Variants in MAK observed in about 807,000 individuals in gnomAD.
MAK encodes male germ cell associated kinase.
A neutral mutation model predicts 82.6 loss-of-function variants in MAK; 65 were observed. That is an observed-to-expected ratio of 0.79 (90% CI 0.64 to 0.97). The LOEUF is 0.97. MAK is among the 50% of genes least tolerant of loss of function. The probability of loss-of-function intolerance (pLI) is 0.00; values close to 1 mark genes in which losing one functional copy is unlikely to be tolerated. For synonymous variants in MAK, 250 were observed against 274.2 expected, an observed-to-expected ratio of 0.91 and a Z score of 0.87; for missense variants, 703 against 780.2, an observed-to-expected ratio of 0.90 and a Z score of 1.18.
intron 9 of MAK, 120 bp downstream of exon 9, chr6:10,795,878 G>C (rs1038403679): frequency 9.6e-7 from 1 of 1,039,422 alleles, no homozygotes. Context: ...AGAGGACTCA[G>C]GGTCTTTAAC....
intron 11 of MAK, among the ~76,000 whole-genome samples, chr6:10,782,573 C>A (rs983333828): frequency 4.8e-5 from 7 of 145,468 alleles, no homozygotes; most frequent in African/African-American, 1.8e-4. Context: ...AGGGTCCCAA[C>A]TGGATTTTTT....
intron 8 of MAK, among the ~76,000 whole-genome samples, chr6:10,798,335 A>G (rs1775737396): frequency 6.6e-6 from 1 of 152,078 alleles, no homozygotes; most frequent in Non-Finnish European, 1.5e-5. Flanking sequence ...GGCCGGTCTC[A>G]AGCTCCTGAC....
At chr6:10,833,242 T>C (rs139964247) in intron 1 of MAK, among the ~76,000 whole-genome samples, 5 of 152,238 alleles carry the variant, frequency 3.3e-5, no homozygotes, top group African/African-American at 7.2e-5. Flanking sequence ...TAAAGTTATG[T>C]TGTTTCCTAT....
At chr6:10,766,669 G>T (rs1381647461) in intron 14 of MAK, among the ~76,000 whole-genome samples, 1 of 152,144 alleles carries the variant, frequency 6.6e-6, no homozygotes, top group Admixed American at 6.5e-5. Context: ...TGGTAGCAGG[G>T]GTAGAAGAGA....
chr6:10,774,418 G>A (rs1443929141), intron 12 of MAK, among the ~76,000 whole-genome samples: 2 of 152,074 alleles, frequency 1.3e-5, no homozygotes, highest in East Asian at 1.9e-4. Context: ...ATTTATTGCT[G>A]GAATCACAGC....
At chr6:10,810,217 A>G (rs1776817475) in intron 5 of MAK, among the ~76,000 whole-genome samples, 1 of 151,986 alleles carries the variant, frequency 6.6e-6, no homozygotes, top group Non-Finnish European at 1.5e-5. Flanking sequence ...AGGGCAGTCT[A>G]CAGCATTCTG....
intron 10 of MAK, among the ~76,000 whole-genome samples, chr6:10,788,690 C>G (rs1774809276): frequency 6.6e-6 from 1 of 151,988 alleles, no homozygotes; most frequent in African/African-American, 2.4e-5. Context: ...GAGCCGAGAT[C>G]ACATCACTGC....
At chr6:10,787,782 A>G (rs1457510906) in intron 10 of MAK, among the ~76,000 whole-genome samples, 2 of 151,444 alleles carry the variant, frequency 1.3e-5, no homozygotes, top group South Asian at 2.1e-4. Flanking sequence ...AATGGCGTGA[A>G]CCCAGGAGGC....
intron 2 of MAK, 88 bp from the exon 3 acceptor site, chr6:10,819,028 G>A: frequency 2.6e-6 from 2 of 756,404 alleles, no homozygotes; most frequent in Non-Finnish European, 4.7e-6. Flanking sequence ...TCCACTACTG[G>A]TTCACTTTGG....
Position 10,808,934 on chromosome 6 carries a change from G to GA in MAK, c.366dup (p.His123SerfsTer2), listed in dbSNP as rs1776708973. 7.4e-6 allele frequency: 12 copies of GA among 1,612,302 alleles called. No homozygotes were observed. Among genetic ancestry groups the GA allele is most frequent in the Non-Finnish European group, 1.0e-5 (12 of 1,179,134 alleles). On this transcript the variant is annotated frameshift_variant, in exon 6 of 15. Transcript: ENST00000354489. LOFTEE classifies it high-confidence loss of function. ...AAGTTTTCTGGTTTCATGTCCCTAT[G>GA]AAAAAAGCCTTGATGATATACGGAG...
At chr6:10,766,375 A>G (rs11961958) in intron 14 of MAK, among the ~76,000 whole-genome samples, 2,230 of 152,306 alleles carry the variant, frequency 0.015, 63 homozygotes, top group African/African-American at 0.051. Context: ...TCTGGGTAAG[A>G]CAGCCGCCTG....
Position 10,783,769 on chromosome 6 carries a change from T to C in MAK, c.1465+655A>G, listed in dbSNP as rs367583800. Among the ~76,000 whole-genome samples, 46 of 152,258 alleles carry C rather than the reference T, an allele frequency of 3.0e-4. No homozygotes were observed. The East Asian group carries it at 4.3e-3, about 14-fold the overall frequency. On this transcript the variant is annotated intron_variant, in intron 11 of 14. Transcript: ENST00000354489. Reference sequence around the variant, plus strand: ...GGCACAGTGGCTCACGCCTGTCATCTCAGCACTTTGGGAGGCCAAGGCGGG... The same window carrying C: ...GGCACAGTGGCTCACGCCTGTCATCCCAGCACTTTGGGAGGCCAAGGCGGG...
chr6:10,767,802 A>C (rs1029671243), intron 14 of MAK, among the ~76,000 whole-genome samples: 5 of 151,080 alleles, frequency 3.3e-5, no homozygotes, highest in African/African-American at 7.3e-5. Context: ...AAAAAAAAAA[A>C]AAAAAAAAAC....
intron 12 of MAK, among the ~76,000 whole-genome samples, 165 bp downstream of exon 12, chr6:10,775,163 C>G (rs1016319288): frequency 6.6e-6 from 1 of 152,160 alleles, no homozygotes; most frequent in South Asian, 2.1e-4. Context: ...AACTCCATGA[C>G]TGCTCCAGCA....
At chr6:10,806,847 G>A (rs369866004) in intron 6 of MAK, among the ~76,000 whole-genome samples, 15 of 148,774 alleles carry the variant, frequency 1.0e-4, no homozygotes, top group East Asian at 5.8e-4. Context: ...GAAGCCAAGC[G>A]GATGCCAGTG....
chr6:10,834,830 C>T (rs1779048965), intron 1 of MAK, among the ~76,000 whole-genome samples: 1 of 152,052 alleles, frequency 6.6e-6, no homozygotes, highest in Admixed American at 6.5e-5. Context: ...CACTCTGTGC[C>T]AGGTCCGACC....
chr6:10,832,005 C>A (rs1032593586), intron 1 of MAK, among the ~76,000 whole-genome samples: 1 of 152,154 alleles, frequency 6.6e-6, no homozygotes, highest in African/African-American at 2.4e-5. Flanking sequence ...TCTTGGCTCA[C>A]TGTAACCTCC....
At chr6:10,791,517 T>TCGG (rs1484271247) in intron 10 of MAK, among the ~76,000 whole-genome samples, 158 bp downstream of exon 10, 1 of 152,184 alleles carries the variant, frequency 6.6e-6, no homozygotes, top group Admixed American at 6.5e-5. Flanking sequence ...TCAACCTGCC[T>TCGG]CGGCCTCCCA....
chr6:10,771,862 A>G (rs1773049143), intron 13 of MAK, among the ~76,000 whole-genome samples: 5 of 152,196 alleles, frequency 3.3e-5, no homozygotes, highest in Admixed American at 3.3e-4. Context: ...TCAGTTCTTT[A>G]CTTCAGAAAA....
Sources: allele counts gnomAD v4.1 joint callset (sites outside exome capture counted in the v4.1 genomes callset), GRCh38; gene constraint gnomAD v4.1.1; transcripts MANE v1.5; gene names NCBI Gene and HGNC (gene_info 2026-07-23, HGNC 2026-07-21).